LRRC41: variants seen among roughly 807,000 people sequenced by gnomAD.
LRRC41 encodes the protein leucine-rich repeat-containing protein 41.
A neutral mutation model predicts 72.1 loss-of-function variants in LRRC41; 17 were observed. That is an observed-to-expected ratio of 0.24 (90% CI 0.16 to 0.35). The LOEUF (loss-of-function observed/expected upper bound fraction) is 0.35, where lower values mean the gene tolerates loss of function less well. LRRC41 is among the 10% of genes least tolerant of loss of function. LRRC41 has a pLI of 1.00. For missense variants in LRRC41, 759 were observed against 1,065.0 expected, an observed-to-expected ratio of 0.71 and a Z score of 4.00; for synonymous variants, 427 against 431.0, an observed-to-expected ratio of 0.99 and a Z score of 0.11.
chr1:46,284,725 GA>G (rs1033828012), intron 4 of LRRC41, among the ~76,000 whole-genome samples: 1 of 152,156 alleles, frequency 6.6e-6, no homozygotes, highest in Non-Finnish European at 1.5e-5. Flanking sequence ...CCTGAGAAGG[GA>G]AAAGGAGAGT....
intron 3 of LRRC41, among the ~76,000 whole-genome samples, chr1:46,294,347 A>T (rs950665418): frequency 6.6e-6 from 1 of 151,756 alleles, no homozygotes; most frequent in Non-Finnish European, 1.5e-5. Context: ...AGCTCAAGCA[A>T]TCCACCCACC....
Position 46,279,291 on chromosome 1 carries a change from C to T in LRRC41, c.2144-34G>A. On this transcript the variant is annotated intron_variant, in intron 8 of 9. Transcript: ENST00000617190. The surrounding 1 kb of genome is among the most constrained non-coding windows in gnomAD (Gnocchi z 4.5). ...AAGGGGAGAACGCCTATCACCTCCACCCAAGAACAGGGGACAAGGGTATCC... is the reference window on the plus strand; with the variant it reads ...AAGGGGAGAACGCCTATCACCTCCATCCAAGAACAGGGGACAAGGGTATCC... The T allele has an allele frequency of 6.2e-7, 1 of 1,609,924 alleles. No homozygotes were observed. The highest frequency in any genetic ancestry group is 8.5e-7 in the Non-Finnish European group (1 of 1,176,260).
At chr1:46,301,357 C>A (rs1661219199) in intron 1 of LRRC41, among the ~76,000 whole-genome samples, 1 of 152,174 alleles carries the variant, frequency 6.6e-6, no homozygotes, top group Admixed American at 6.5e-5. Context: ...CAGACCCTCT[C>A]TGCCTTCTTC....
In LRRC41 at chr1:46,278,238, G is replaced by A. The variant is rs754995325; in HGVS notation, c.*627C>T. The A allele has an allele frequency of 1.8e-5, 29 of 1,613,836 alleles. No homozygotes were observed. In the East Asian group the frequency reaches 4.0e-4, roughly 22 times the overall value. ...TGCTGCCTCCACTGCCATCACCTTC[G>A]TCTTCCACCAGCGTTCTCATGAGGA... On this transcript the variant is annotated 3_prime_UTR_variant, in exon 10 of 10. Transcript: ENST00000617190.
At chr1:46,290,536 AT>A (rs1660985533) in intron 3 of LRRC41, among the ~76,000 whole-genome samples, 1 of 151,918 alleles carries the variant, frequency 6.6e-6, no homozygotes, top group African/African-American at 2.4e-5. Context: ...GTATTCAAAT[AT>A]TTTTAGAATA....
chr1:46,285,964 G>T lies in LRRC41; in HGVS notation c.893C>A (p.Ala298Asp). The T allele has an allele frequency of 6.5e-7, 1 of 1,539,496 alleles. No individual in the cohort carries two copies. Among genetic ancestry groups the T allele is most frequent in the Non-Finnish European group, 8.7e-7 (1 of 1,143,546 alleles). ...RPRRDAAERC[A>D]AALMASRRKS... The stretch of plus-strand genomic sequence containing the variant: ...ACGCCGGCTGGCCATCAGGGCTGCA[G>T]CACATCGCTCAGCAGCATCCCGGCG... Residue 298 changes from alanine (A) to aspartate (D), a missense_variant, in exon 4 of 10, where the codon GCT becomes GAT. Around this residue, in one of 4 missense-constraint regions of LRRC41, gnomAD observed 427 missense variants for 520.9 expected, o/e 0.82. Coordinates refer to ENST00000617190, the MANE Select transcript of LRRC41 (RefSeq NM_006369.5). The surrounding 1 kb of genome is among the most constrained non-coding windows in gnomAD (Gnocchi z 5.3).
At chr1:46,292,151 T>A (rs1661033028) in intron 3 of LRRC41, among the ~76,000 whole-genome samples, 1 of 151,002 alleles carries the variant, frequency 6.6e-6, no homozygotes, top group African/African-American at 2.4e-5. Context: ...TTGTCTCTAC[T>A]AAAAATACAA....
intron 3 of LRRC41, among the ~76,000 whole-genome samples, chr1:46,290,323 C>T (rs1028910448): frequency 5.9e-5 from 9 of 152,022 alleles, no homozygotes; most frequent in Admixed American, 5.2e-4. Flanking sequence ...GTGGGAGGAT[C>T]GCCTGAGCCT....
In LRRC41 at chr1:46,285,961, G is replaced by A. The variant is rs780450386; in HGVS notation, c.896C>T (p.Ala299Val). Residue 299 changes from alanine (A) to valine (V), a missense_variant, in exon 4 of 10, where the codon GCA becomes GTA. Coordinates refer to ENST00000617190, the MANE Select transcript of LRRC41 (RefSeq NM_006369.5). The surrounding 1 kb of genome is among the most constrained non-coding windows in gnomAD (Gnocchi z 5.3). ...CTTACGCCGGCTGGCCATCAGGGCT[G>A]CAGCACATCGCTCAGCAGCATCCCG... The part of the protein sequence containing the change: ...PRRDAAERCA[A>V]ALMASRRKSE... 3.9e-6 allele frequency: 6 copies of A among 1,538,118 alleles called. No individual in the cohort carries two copies. Among genetic ancestry groups the A allele is most frequent in the Non-Finnish European group, 5.2e-6 (6 of 1,143,006 alleles).
In LRRC41 at chr1:46,277,891, G is replaced by C. The variant is rs770776928; in HGVS notation, c.*974C>G. ...CACTGAGCAGCTGTGTGGTGGATGA[G>C]GAGCAGGATGTAGAGCGCCACTTCT... On this transcript the variant is annotated 3_prime_UTR_variant, in exon 10 of 10. Coordinates refer to ENST00000617190, the MANE Select transcript of LRRC41 (RefSeq NM_006369.5). The C allele has an allele frequency of 7.4e-6, 12 of 1,613,964 alleles. No individual in the cohort carries two copies. In the African/African-American group the frequency reaches 1.6e-4, roughly 22 times the overall value.
At chr1:46,288,850 C>G (rs1016296423) in intron 3 of LRRC41, among the ~76,000 whole-genome samples, 3 of 152,234 alleles carry the variant, frequency 2.0e-5, no homozygotes, top group Non-Finnish European at 4.4e-5. Flanking sequence ...AATCTCTGCT[C>G]AACTTTGAGT....
chr1:46,293,502 C>T lies in LRRC41; in HGVS notation c.357+4061G>A, dbSNP rs547330363. ...CAATCTGACCACCTTGGCATCCCAA[C>T]GTTTTTCTGGGATTGTAGGCATGAG... On this transcript the variant is annotated intron_variant, in intron 3 of 9. Coordinates refer to ENST00000617190, the MANE Select transcript of LRRC41 (RefSeq NM_006369.5). 1.6e-4 allele frequency among the ~76,000 whole-genome samples: 25 copies of T among 152,152 alleles called. No individual in the cohort carries two copies. In the East Asian group the frequency reaches 4.1e-3, roughly 25 times the overall value.
At position 46,285,764 on chromosome 1, in the gene LRRC41, A is replaced by T. The variant is rs1181556098; in HGVS notation, c.1093T>A (p.Ser365Thr). ...KRSPSAPAAT[S>T]SASSSTSSYK... ...GAGGATGTAGAAGAAGAGGCAGAGG[A>T]GGTGGCTGCTGGAGCAGAAGGTGAC... is the stretch of plus-strand genomic sequence containing the variant. Residue 365 changes from serine (S) to threonine (T), a missense_variant, in exon 4 of 10, where the codon TCC becomes ACC. Around this residue, in one of 4 missense-constraint regions of LRRC41, gnomAD observed 427 missense variants for 520.9 expected, o/e 0.82. Transcript: ENST00000617190. This position sits in a 1 kb window ranked among gnomAD's most constrained non-coding sequence, Gnocchi z 5.3. 1.3e-6 allele frequency: 2 copies of T among 1,598,646 alleles called. No homozygotes were observed. The highest frequency in any genetic ancestry group is 1.7e-6 in the Non-Finnish European group (2 of 1,172,620).
In LRRC41 at chr1:46,278,595, A is replaced by G; in HGVS notation, c.*270T>C. 1 of 607,204 alleles carries G rather than the reference A, an allele frequency of 1.6e-6. No individual in the cohort carries two copies. Among genetic ancestry groups the G allele is most frequent in the East Asian group, 2.8e-5 (1 of 36,296 alleles). 37.6% of individuals were successfully genotyped at this position (607,204 alleles called of 1,614,324 possible). A position where few individuals can be genotyped will look rare whatever the true frequency, so the allele number is the denominator to read the frequency against. ...CAGGGGCAGGGGAGGGGATCTCTTC[A>G]GCAATTATGATGACCACTGTAACCT... is the stretch of plus-strand genomic sequence containing the variant. On this transcript the variant is annotated 3_prime_UTR_variant, in exon 10 of 10. Transcript: ENST00000617190.
At chr1:46,299,674 T>TA (rs1379066322) in intron 1 of LRRC41, 23 of 152,074 alleles carry the variant, frequency 1.5e-4, no homozygotes, top group African/African-American at 5.1e-4. Flanking sequence ...GTCAGGAGTT[T>TA]GAGACCAGCC....
At chr1:46,289,164 T>C (rs1028288433) in intron 3 of LRRC41, among the ~76,000 whole-genome samples, 3 of 152,206 alleles carry the variant, frequency 2.0e-5, no homozygotes, top group African/African-American at 7.2e-5. Context: ...ACAGAATATT[T>C]GGAACACCCC....
chr1:46,281,937 G>C (rs1056434544), intron 4 of LRRC41, among the ~76,000 whole-genome samples: 1 of 152,146 alleles, frequency 6.6e-6, no homozygotes, highest in Non-Finnish European at 1.5e-5. Context: ...AAATTAGCTG[G>C]GCTGGGTGGC....
chr1:46,285,971 G>A lies in LRRC41; in HGVS notation c.886C>T (p.Arg296Ter). ...SRRPRRDAAE[R>*]CAAALMASRR... ...CTGGCCATCAGGGCTGCAGCACATC[G>A]CTCAGCAGCATCCCGGCGGGGCCGA... Residue 296 changes from arginine (R) to a stop codon, truncating the protein, a stop_gained, in exon 4 of 10, where the codon CGA (arginine) becomes TGA (stop). Coordinates refer to ENST00000617190, the MANE Select transcript of LRRC41 (RefSeq NM_006369.5). LOFTEE classifies it high-confidence loss of function. The surrounding 1 kb of genome is among the most constrained non-coding windows in gnomAD (Gnocchi z 5.3). 6.5e-7 allele frequency: 1 copy of A among 1,542,426 alleles called. No individual in the cohort carries two copies. Among genetic ancestry groups the A allele is most frequent in the Non-Finnish European group, 8.7e-7 (1 of 1,144,520 alleles).
At chr1:46,294,592 C>CTTT (rs60249294) in intron 3 of LRRC41, among the ~76,000 whole-genome samples, 47 of 108,338 alleles carry the variant, frequency 4.3e-4, no homozygotes, top group Admixed American at 5.7e-4. Context: ...ACAACTAATT[C>CTTT]TTTTTTTTTT....
Sources: allele counts gnomAD v4.1 joint callset (sites outside exome capture counted in the v4.1 genomes callset), GRCh38; gene constraint gnomAD v4.1.1; regional missense constraint gnomAD v4.1.1; non-coding constraint Gnocchi (gnomAD v3.1); transcripts MANE v1.5; gene names NCBI Gene and HGNC (gene_info 2026-07-23, HGNC 2026-07-21).